The following SHROOM2 variants were observed in gnomAD, a reference collection of about 807,000 sequenced individuals.
The protein encoded by SHROOM2 is shroom family member 2, also known as protein Shroom2.
Under a neutral mutation model 75.9 loss-of-function variants are expected in SHROOM2, and 33 were observed. The observed-to-expected ratio is 0.43, with a 90% CI of 0.33 to 0.58. SHROOM2 has a LOEUF of 0.58. Ranked by LOEUF, SHROOM2 falls within the 20% of genes least tolerant of loss-of-function variation. SHROOM2 has a pLI of 0.04. For synonymous variants in SHROOM2, 655 were observed against 663.6 expected (o/e 0.99, Z 0.20); for missense variants, 1,434 against 1,461.2 (o/e 0.98, Z 0.30).
At chrX:9,904,117 T>C (rs6640551) in intron 5 of SHROOM2, among the ~76,000 whole-genome samples, 56,018 of 109,388 alleles carry the variant, frequency 0.51, 12,942 homozygotes, top group African/African-American at 0.88. Context: ...AAGTGACCAA[T>C]GCCCCAAGAT....
At position 9,795,904 on chromosome X, in the gene SHROOM2, G is replaced by C. The variant is rs148006600; in HGVS notation, c.165+9194G>C. Among the ~76,000 whole-genome samples, 842 of 110,755 alleles carry C rather than the reference G, an allele frequency of 7.6e-3. 6 individuals are homozygous for C. Among genetic ancestry groups the C allele is most frequent in the Non-Finnish European group, 0.012 (653 of 52,968 alleles). The stretch of plus-strand genomic sequence containing the variant: ...GTGATCATCTCTGCCCCCCAACTTT[G>C]GCTGTAGTGGTTCCAGTTTGGAGGG... On this transcript the variant is annotated intron_variant, in intron 1 of 9. Coordinates refer to ENST00000380913, the MANE Select transcript of SHROOM2 (RefSeq NM_001649.4).
chrX:9,903,927 A>G (rs1209670635), intron 5 of SHROOM2, among the ~76,000 whole-genome samples: 1 of 110,925 alleles, frequency 9.0e-6, no homozygotes, highest in Non-Finnish European at 1.9e-5. Flanking sequence ...GGACCGAGAC[A>G]GGCGGCCACC....
chrX:9,848,953 T>C (rs1438557254), intron 1 of SHROOM2, among the ~76,000 whole-genome samples: 2 of 111,404 alleles, frequency 1.8e-5, no homozygotes, highest in Non-Finnish European at 3.8e-5. Flanking sequence ...CAAACAACCG[T>C]CCACTCAGGT....
At chrX:9,915,696 C>T (rs929107472) in intron 5 of SHROOM2, among the ~76,000 whole-genome samples, 2 of 112,309 alleles carry the variant, frequency 1.8e-5, no homozygotes, top group Non-Finnish European at 3.8e-5. Flanking sequence ...TATACATGCC[C>T]ATACACATAT....
intron 1 of SHROOM2, among the ~76,000 whole-genome samples, chrX:9,827,283 C>T (rs1020366542): frequency 1.2e-5 from 1 of 85,187 alleles, no homozygotes; most frequent in Non-Finnish European, 2.1e-5. Context: ...AGTGCAGTGA[C>T]GTGATCTGGG....
At chrX:9,854,647 G>T (rs1359155297) in intron 1 of SHROOM2, among the ~76,000 whole-genome samples, 3 of 112,061 alleles carry the variant, frequency 2.7e-5, no homozygotes, top group Non-Finnish European at 5.6e-5. Flanking sequence ...AATTGAGAAA[G>T]AAATAATTGC....
chrX:9,852,825 T>C (rs1380946559), intron 1 of SHROOM2, among the ~76,000 whole-genome samples: 1 of 112,127 alleles, frequency 8.9e-6, no homozygotes. Flanking sequence ...CCAGAAAAGG[T>C]CATTGGTTTG....
At position 9,873,777 on chromosome X, in the gene SHROOM2, T is replaced by A. The variant is rs2084184024; in HGVS notation, c.291T>A (p.His97Gln). The A allele has an allele frequency of 8.3e-7, 1 of 1,209,481 alleles. No homozygotes were observed. The highest frequency in any genetic ancestry group is 2.2e-5 in the Admixed American group (1 of 45,713). ...QEAICLVKGS[H>Q]KTLKLVVKRR... ...CGATTTGCCTGGTGAAGGGGTCCCA[T>A]AAGACCCTGAAGCTGGTCGTCAAAA... Residue 97 changes from histidine (H) to glutamine (Q), a missense_variant, in exon 2 of 10, where the codon CAT becomes CAA. Physicochemically the swap from His to Gln is conservative, Grantham distance 24 (BLOSUM62 0). Coordinates refer to ENST00000380913, the MANE Select transcript of SHROOM2 (RefSeq NM_001649.4).
chrX:9,852,065 C>T (rs186741551), intron 1 of SHROOM2, among the ~76,000 whole-genome samples: 4 of 111,435 alleles, frequency 3.6e-5, no homozygotes, highest in Non-Finnish European at 3.8e-5. Flanking sequence ...GTAGAGAGGG[C>T]ACGCTCGTTA....
chrX:9,869,537 A>G (rs1439836331), intron 1 of SHROOM2, among the ~76,000 whole-genome samples: 2 of 111,534 alleles, frequency 1.8e-5, no homozygotes, highest in Admixed American at 1.9e-4. Flanking sequence ...TTGATGACTC[A>G]GGTACCTGAA....
At chrX:9,806,352 A>T (rs917620640) in intron 1 of SHROOM2, among the ~76,000 whole-genome samples, 1 of 110,250 alleles carries the variant, frequency 9.1e-6, no homozygotes, top group Non-Finnish European at 1.9e-5. Context: ...AAATGTTTCG[A>T]GATAACATTT....
In SHROOM2 at chrX:9,786,545, C is replaced by A; in HGVS notation, c.-1C>A. The A allele has an allele frequency of 1.2e-6, 1 of 849,509 alleles. No homozygotes were observed. The highest frequency in any genetic ancestry group is 1.4e-6 in the Non-Finnish European group (1 of 700,044). 70.0% of individuals were successfully genotyped at this position (849,509 alleles called of 1,213,427 possible). On this transcript the variant is annotated 5_prime_UTR_variant, in exon 1 of 10. Coordinates refer to ENST00000380913, the MANE Select transcript of SHROOM2 (RefSeq NM_001649.4). ...GGCCAGGGACGCTGAGCGGTCGCGC[C>A]ATGGAGGGCGCCGAGCCCCGCGCGC...
intron 5 of SHROOM2, among the ~76,000 whole-genome samples, chrX:9,920,110 C>CAACTCATCAGACATCTCAACTTACTAT (rs2084531387): frequency 9.0e-6 from 1 of 111,072 alleles, no homozygotes; most frequent in African/African-American, 3.3e-5. Flanking sequence ...CAAATCACTA[C>CAACTCATCAGACATCTCAACTTACTAT]AACTCATCAG....
chrX:9,806,274 G>T (rs979272462), intron 1 of SHROOM2, among the ~76,000 whole-genome samples: 4 of 110,696 alleles, frequency 3.6e-5, no homozygotes, highest in African/African-American at 1.3e-4. Context: ...CGCACAGCAG[G>T]CACATCGCTG....
At chrX:9,899,045 A>G (rs2084350761) in intron 5 of SHROOM2, among the ~76,000 whole-genome samples, 1 of 109,870 alleles carries the variant, frequency 9.1e-6, no homozygotes. Context: ...GGAGTTCAAG[A>G]CCAGCCTGGG....
rs144237327 is a variant in SHROOM2 at position 9,891,122 on chromosome X, C to A, written c.449+14C>A. On this transcript the variant is annotated intron_variant, in intron 3 of 9. Transcript: ENST00000380913. ...ACACCACGCGAGGTAGGCACCCATTCCCGTCCAGGATGCCAGGTTTGTTCA... is the reference window on the plus strand; with the variant it reads ...ACACCACGCGAGGTAGGCACCCATTACCGTCCAGGATGCCAGGTTTGTTCA... 7.1e-4 allele frequency: 849 copies of A among 1,197,719 alleles called. 2 individuals are homozygous for A. Among genetic ancestry groups the A allele is most frequent in the Middle Eastern group, 4.6e-4 (2 of 4,306 alleles).
chrX:9,819,213 A>T, intron 1 of SHROOM2: 1 of 1,008,961 alleles, frequency 9.9e-7, no homozygotes, highest in South Asian at 2.1e-5. Context: ...TTCAGGACAG[A>T]GAACAAATTT....
intron 1 of SHROOM2, among the ~76,000 whole-genome samples, chrX:9,866,981 G>T (rs1392221524): frequency 9.1e-6 from 1 of 110,133 alleles, no homozygotes; most frequent in Non-Finnish European, 1.9e-5. Context: ...CCGAGACAGA[G>T]GGTCACATCC....
intron 1 of SHROOM2, among the ~76,000 whole-genome samples, chrX:9,864,845 A>AAAATAAATAAAAAT (rs2084126098): frequency 9.1e-6 from 1 of 109,344 alleles, no homozygotes; most frequent in Non-Finnish European, 1.9e-5. Flanking sequence ...TAAATAAATA[A>AAAATAAATAAAAAT]AAATAAATAA....
Sources: allele counts gnomAD v4.1 joint callset (sites outside exome capture counted in the v4.1 genomes callset), GRCh38; gene constraint gnomAD v4.1.1; transcripts MANE v1.5; gene names NCBI Gene and HGNC (gene_info 2026-07-23, HGNC 2026-07-21).